MALRD1: variants seen among roughly 807,000 people sequenced by gnomAD.
MALRD1 encodes MAM and LDL receptor class A domain containing 1.
MALRD1 carries 247 observed loss-of-function variants against 242.1 expected under a neutral mutation model. That is an observed-to-expected ratio of 1.02 (90% CI 0.92 to 1.13). MALRD1 has a LOEUF of 1.13. MALRD1 is among the 50% of genes most tolerant of loss of function. The pLI, the probability that MALRD1 is intolerant of heterozygous loss-of-function variation, is 0.00. For missense variants in MALRD1, 2,989 were observed against 2,533.1 expected, an observed-to-expected ratio of 1.18 and a Z score of -3.86; for synonymous variants, 995 against 866.6, an observed-to-expected ratio of 1.15 and a Z score of -2.60.
chr10:19,503,544 A>G lies in MALRD1; in HGVS notation c.5320+4898A>G, dbSNP rs182855656. Among the ~76,000 whole-genome samples, 202 of 152,366 alleles carry G rather than the reference A, an allele frequency of 1.3e-3. 3 individuals are homozygous for G. Among genetic ancestry groups the G allele is most frequent in the Non-Finnish European group, 1.6e-3 (111 of 68,026 alleles). On this transcript the variant is annotated intron_variant, in intron 31 of 39. Transcript: ENST00000454679. ...TGAATACTGTTTAGACTTAATGTAT[A>G]CAAGATTGAATGGCAAGGGTGACAT...
chr10:19,234,886 G>C (rs1329675725), intron 18 of MALRD1, among the ~76,000 whole-genome samples: 2 of 152,162 alleles, frequency 1.3e-5, no homozygotes, highest in African/African-American at 4.8e-5. Context: ...GTTTTGCTTA[G>C]GTTTTGAAGT....
intron 33 of MALRD1, among the ~76,000 whole-genome samples, chr10:19,570,475 T>TAA (rs1836474279): frequency 6.6e-6 from 1 of 152,068 alleles, no homozygotes. Context: ...ACAGAAAGCT[T>TAA]TAAAGAAATG....
At chr10:19,094,503 G>A (rs1196983998) in intron 4 of MALRD1, among the ~76,000 whole-genome samples, 1 of 150,180 alleles carries the variant, frequency 6.7e-6, no homozygotes, top group Non-Finnish European at 1.5e-5. Context: ...GCACTCCCTA[G>A]TGAGATGAAC....
chr10:19,234,597 G>A (rs920171411), intron 18 of MALRD1, among the ~76,000 whole-genome samples: 2 of 149,106 alleles, frequency 1.3e-5, no homozygotes, highest in Non-Finnish European at 3.0e-5. Context: ...AACTCTTCTT[G>A]TAAACATTGA....
At chr10:19,428,554 C>T (rs1370441500) in intron 28 of MALRD1, among the ~76,000 whole-genome samples, 1 of 152,086 alleles carries the variant, frequency 6.6e-6, no homozygotes, top group Non-Finnish European at 1.5e-5. Context: ...CTACTGAGTG[C>T]TTCCAGGTCC....
At chr10:19,573,397 C>T (rs1251641316) in intron 33 of MALRD1, among the ~76,000 whole-genome samples, 1 of 152,156 alleles carries the variant, frequency 6.6e-6, no homozygotes, top group Non-Finnish European at 1.5e-5. Flanking sequence ...CAGGTGGTGG[C>T]AGCAGCCCTG....
chr10:19,249,128 C>A (rs1839194816), intron 18 of MALRD1, among the ~76,000 whole-genome samples: 1 of 150,650 alleles, frequency 6.6e-6, no homozygotes, highest in African/African-American at 2.4e-5. Context: ...TCTTTTAATT[C>A]ATCTAACAAA....
At chr10:19,214,578 A>G (rs769647567) in intron 18 of MALRD1, among the ~76,000 whole-genome samples, 2 of 152,180 alleles carry the variant, frequency 1.3e-5, no homozygotes, top group Admixed American at 6.5e-5. Context: ...GCTCATTTGT[A>G]TGGAGAAACT....
intron 32 of MALRD1, among the ~76,000 whole-genome samples, chr10:19,564,823 A>T (rs1324366675): frequency 2.0e-5 from 3 of 152,172 alleles, no homozygotes; most frequent in African/African-American, 7.2e-5. Flanking sequence ...GAGAGTTATC[A>T]CAAAGACACC....
intron 23 of MALRD1, among the ~76,000 whole-genome samples, chr10:19,329,846 T>C (rs1170027866): frequency 1.3e-5 from 2 of 152,138 alleles, no homozygotes; most frequent in Non-Finnish European, 2.9e-5. Flanking sequence ...ACCAACCTTA[T>C]ATGAAGCATT....
Position 19,233,431 on chromosome 10 carries a change from G to A in MALRD1, c.2991+23751G>A, listed in dbSNP as rs536042776. Among the ~76,000 whole-genome samples, 5 of 152,260 alleles carry A rather than the reference G, an allele frequency of 3.3e-5. No individual in the cohort carries two copies. The South Asian group carries it at 8.3e-4, about 25-fold the overall frequency. ...ACAGGAGAATCATTTGAACCTGGGAGGTGGGGGTTACAGTGAGCCGAGATC... is the reference window on the plus strand; with the variant it reads ...ACAGGAGAATCATTTGAACCTGGGAAGTGGGGGTTACAGTGAGCCGAGATC... On this transcript the variant is annotated intron_variant, in intron 18 of 39. Transcript: ENST00000454679.
intron 24 of MALRD1, among the ~76,000 whole-genome samples, chr10:19,336,891 A>G (rs1448042611): frequency 1.3e-5 from 2 of 152,058 alleles, no homozygotes; most frequent in Admixed American, 6.6e-5. Context: ...TAAAGACAAA[A>G]CTATTTAATT....
intron 38 of MALRD1, among the ~76,000 whole-genome samples, chr10:19,696,188 G>A (rs1160661075): frequency 1.3e-5 from 2 of 152,150 alleles, no homozygotes; most frequent in Non-Finnish European, 2.9e-5. Flanking sequence ...CAGAGACCCT[G>A]CCAATCAACA....
At chr10:19,704,056 C>T (rs1302170300) in intron 38 of MALRD1, among the ~76,000 whole-genome samples, 1 of 152,080 alleles carries the variant, frequency 6.6e-6, no homozygotes, top group African/African-American at 2.4e-5. Context: ...GTTTACTATT[C>T]AGCATTGGGG....
intron 28 of MALRD1, among the ~76,000 whole-genome samples, chr10:19,414,227 A>C (rs1380798302): frequency 6.6e-6 from 1 of 152,200 alleles, no homozygotes; most frequent in Admixed American, 6.5e-5. Context: ...GTGGTAGCAC[A>C]TGGAACACAC....
At chr10:19,321,567 G>GA in intron 21 of MALRD1, among the ~76,000 whole-genome samples, 1 of 152,176 alleles carries the variant, frequency 6.6e-6, no homozygotes, top group Non-Finnish European at 1.5e-5. Flanking sequence ...AAATCATAAA[G>GA]ATCTAATCAG....
Position 19,692,366 on chromosome 10 carries a change from G to A in MALRD1, c.6217+5G>A. On this transcript the variant is annotated splice_donor_5th_base_variant and intron_variant, in intron 37 of 39. Coordinates refer to ENST00000454679, the MANE Select transcript of MALRD1 (RefSeq NM_001142308.3). Reference sequence around the variant, plus strand: ...ACTTCACATACGCTCAGAATAGTAGGTGACATTATGACTAAATAAATGGCT... The same window carrying A: ...ACTTCACATACGCTCAGAATAGTAGATGACATTATGACTAAATAAATGGCT... The A allele has an allele frequency of 6.5e-7, 1 of 1,534,310 alleles. No homozygotes were observed. Among genetic ancestry groups the A allele is most frequent in the African/African-American group, 1.4e-5 (1 of 73,060 alleles).
chr10:19,176,415 C>T lies in MALRD1; in HGVS notation c.1951+1087C>T, dbSNP rs1376981008. Among the ~76,000 whole-genome samples the T allele has an allele frequency of 6.4e-4, 77 of 120,950 alleles. 1 individual carries two copies. The highest frequency in any genetic ancestry group is 2.1e-3 in the African/African-American group (67 of 32,636). The allele number at this position is 120,950 out of a possible 152,430, so 79.3% of individuals were successfully genotyped here. ...CGGAGTCTCGCTCTGTCGCCCAGGCCGGACTGCGGACTGCAGTGGCGCAAT... is the reference window on the plus strand; with the variant it reads ...CGGAGTCTCGCTCTGTCGCCCAGGCTGGACTGCGGACTGCAGTGGCGCAAT... On this transcript the variant is annotated intron_variant, in intron 14 of 39. Transcript: ENST00000454679.
chr10:19,407,822 G>T (rs1172315245), intron 28 of MALRD1, among the ~76,000 whole-genome samples: 10 of 152,162 alleles, frequency 6.6e-5, no homozygotes, highest in Non-Finnish European at 1.0e-4. Context: ...ATATTATCCT[G>T]TTACATAGCT....
Sources: gnomAD v4.1 joint callset for allele counts (sites outside exome capture counted in the v4.1 genomes callset) on GRCh38, gnomAD v4.1.1 for gene constraint, MANE v1.5 for transcripts, NCBI Gene and HGNC (gene_info 2026-07-23, HGNC 2026-07-21) for gene names.